CNTN1: variants seen among roughly 807,000 people sequenced by gnomAD.
The protein encoded by CNTN1 is contactin 1, also known as contactin-1.
In CNTN1, 38 loss-of-function variants were observed where a neutral mutation model predicts 126.4. That is an observed-to-expected ratio of 0.30 (90% CI 0.23 to 0.39). The LOEUF is 0.39. CNTN1 is among the 10% of genes least tolerant of loss of function. The probability of loss-of-function intolerance (pLI) is 1.00; values close to 1 mark genes in which losing one functional copy is unlikely to be tolerated. For synonymous variants in CNTN1, 413 were observed against 422.6 expected (o/e 0.98, Z 0.28); for missense variants, 1,009 against 1,248.4 (o/e 0.81, Z 2.89).
At chr12:40,862,933 C>A (rs1282504713) in intron 1 of CNTN1, among the ~76,000 whole-genome samples, 1 of 152,090 alleles carries the variant, frequency 6.6e-6, no homozygotes, top group Non-Finnish European at 1.5e-5. Flanking sequence ...AAACTAGAAG[C>A]ATTTTTATAT....
chr12:41,007,160 C>T lies in CNTN1; in HGVS notation c.2114-7068C>T, dbSNP rs371317171. Among the ~76,000 whole-genome samples, 165 of 144,768 alleles carry T rather than the reference C, an allele frequency of 1.1e-3. 1 individual carries two copies. The highest frequency in any genetic ancestry group is 3.8e-3 in the African/African-American group (147 of 38,388). 95.0% of individuals were successfully genotyped at this position (144,768 alleles called of 152,430 possible). On this transcript the variant is annotated intron_variant, in intron 17 of 23. Coordinates refer to ENST00000551295, the MANE Select transcript of CNTN1 (RefSeq NM_001843.4). ...CTGCAAGCTCCGCCTCCCGGGTTCACGCCATTCTCCTGCCTCAGCCTCCCA... is the reference window on the plus strand; with the variant it reads ...CTGCAAGCTCCGCCTCCCGGGTTCATGCCATTCTCCTGCCTCAGCCTCCCA...
At chr12:41,031,808 C>G (rs576757602) in intron 23 of CNTN1, among the ~76,000 whole-genome samples, 34 of 152,190 alleles carry the variant, frequency 2.2e-4, no homozygotes, top group African/African-American at 7.5e-4. Context: ...ATGTCAGATG[C>G]TTGGTGAATA....
In CNTN1 at chr12:41,052,643, A is replaced by G. The variant is rs143294200; in HGVS notation, c.2981-17316A>G. ...TGAAGTAGCCTATAACTTATAAGTA[A>G]ATATTTATATTTTATCCCCCAAAGA... On this transcript the variant is annotated intron_variant, in intron 23 of 23. Coordinates refer to ENST00000551295, the MANE Select transcript of CNTN1 (RefSeq NM_001843.4). Among the ~76,000 whole-genome samples, 5 of 152,190 alleles carry G rather than the reference A, an allele frequency of 3.3e-5. No homozygotes were observed. The East Asian group carries it at 7.7e-4, about 24-fold the overall frequency.
At chr12:40,796,277 T>G (rs570914004) in intron 1 of CNTN1, among the ~76,000 whole-genome samples, 1 of 152,054 alleles carries the variant, frequency 6.6e-6, no homozygotes, top group Non-Finnish European at 1.5e-5. Context: ...AAAGCAATCA[T>G]GGTATTTCAA....
rs1379159066 is a variant in CNTN1 at position 40,929,952 on chromosome 12, T to C, written c.653T>C (p.Ile218Thr). 5.6e-6 allele frequency: 9 copies of C among 1,612,738 alleles called. No homozygotes were observed. In the Admixed American group the frequency reaches 6.7e-5, roughly 12 times the overall value. The change falls in exon 7 of 24, where the codon ATT becomes ACT. Residue 218 changes from isoleucine (I) to threonine (T), a missense_variant. Transcript: ENST00000551295. ...TCCTGCTTTGTTTCCAGTCCTTCTA[T>C]TACAAAGAGCGTGTTCAGCAAATTC... ...NYSCFVSSPS[I>T]TKSVFSKFIP...
intron 1 of CNTN1, among the ~76,000 whole-genome samples, chr12:40,698,479 G>A (rs1941510177): frequency 6.6e-6 from 1 of 151,638 alleles, no homozygotes; most frequent in Non-Finnish European, 1.5e-5. Context: ...CTTGTGATCC[G>A]CCCGCCTCGG....
intron 1 of CNTN1, among the ~76,000 whole-genome samples, chr12:40,849,205 A>T (rs1414421651): frequency 6.6e-6 from 1 of 152,152 alleles, no homozygotes; most frequent in African/African-American, 2.4e-5. Context: ...ATGAAGTACA[A>T]GTGAAATATT....
intron 15 of CNTN1, among the ~76,000 whole-genome samples, chr12:40,960,465 T>A (rs565616087): frequency 7.2e-5 from 11 of 152,154 alleles, no homozygotes; most frequent in African/African-American, 2.6e-4. Context: ...TTTTACTCAA[T>A]CTCATGCAGC....
chr12:40,700,217 A>G (rs553827691), intron 1 of CNTN1, among the ~76,000 whole-genome samples: 1 of 151,804 alleles, frequency 6.6e-6, no homozygotes, highest in East Asian at 1.9e-4. Context: ...CTTTTTTTTT[A>G]AAACTTGAAT....
intron 3 of CNTN1, among the ~76,000 whole-genome samples, chr12:40,911,059 G>A (rs935809790): frequency 2.0e-5 from 3 of 152,038 alleles, no homozygotes; most frequent in Non-Finnish European, 4.4e-5. Context: ...TACGGCAGGA[G>A]GCGAAAGGCA....
At chr12:40,946,492 A>C (rs945708060) in intron 14 of CNTN1, among the ~76,000 whole-genome samples, 5 of 152,130 alleles carry the variant, frequency 3.3e-5, no homozygotes, top group African/African-American at 1.2e-4. Context: ...CACTAGGTTA[A>C]ATAAAACACT....
chr12:40,721,892 T>C (rs1387914558), intron 1 of CNTN1, among the ~76,000 whole-genome samples: 1 of 151,320 alleles, frequency 6.6e-6, no homozygotes, highest in Non-Finnish European at 1.5e-5. Context: ...CATCATTTTT[T>C]ATGGCTGCAT....
intron 1 of CNTN1, among the ~76,000 whole-genome samples, chr12:40,702,099 GA>G (rs749350305): frequency 3.1e-5 from 2 of 64,852 alleles, no homozygotes; most frequent in East Asian, 7.8e-4. Context: ...TTTTGTATCG[GA>G]TTTTTTTTTT....
At chr12:40,787,201 C>T (rs1333139274) in intron 1 of CNTN1, among the ~76,000 whole-genome samples, 2 of 151,984 alleles carry the variant, frequency 1.3e-5, no homozygotes, top group African/African-American at 4.8e-5. Flanking sequence ...ACTTAAAAAC[C>T]TTTATCTTTA....
intron 23 of CNTN1, among the ~76,000 whole-genome samples, chr12:41,044,991 G>T (rs971534109): frequency 2.0e-4 from 30 of 151,984 alleles, no homozygotes; most frequent in African/African-American, 6.7e-4. Flanking sequence ...ATGAGAAAAT[G>T]GATAATCTTT....
chr12:40,986,877 A>G (rs1189427768), intron 16 of CNTN1, among the ~76,000 whole-genome samples: 1 of 152,176 alleles, frequency 6.6e-6, no homozygotes, highest in Non-Finnish European at 1.5e-5. Flanking sequence ...CCACGTTTTT[A>G]AACAGCCATA....
At chr12:40,777,091 C>G (rs557247190) in intron 1 of CNTN1, among the ~76,000 whole-genome samples, 1 of 151,680 alleles carries the variant, frequency 6.6e-6, no homozygotes, top group African/African-American at 2.4e-5. Context: ...ATATATTCAA[C>G]TTCCTTTTTG....
At chr12:40,736,928 A>G (rs1354310171) in intron 1 of CNTN1, among the ~76,000 whole-genome samples, 1 of 152,046 alleles carries the variant, frequency 6.6e-6, no homozygotes, top group Non-Finnish European at 1.5e-5. Flanking sequence ...GAAGACATTA[A>G]AAGAATTGCA....
Position 41,014,277 on chromosome 12 carries a change from A to G in CNTN1, c.2163A>G (p.Arg721=), listed in dbSNP as rs749748819. The change falls in exon 18 of 24, where the codon AGA becomes AGG. Residue 721 remains arginine (R), a synonymous_variant. Transcript: ENST00000551295. ...SDVGGGGGRN[R]ELTITWAPLS... ...TAGGAGGTGGAGGTGGAAGAAACAG[A>G]GAGCTGACCATAACATGGGCGGTAA... The G allele has an allele frequency of 3.1e-6, 5 of 1,614,020 alleles. No homozygotes were observed. The Admixed American group carries it at 8.3e-5, about 27-fold the overall frequency.
Sources: allele counts gnomAD v4.1 joint callset (sites outside exome capture counted in the v4.1 genomes callset), GRCh38; gene constraint gnomAD v4.1.1; transcripts MANE v1.5; gene names NCBI Gene and HGNC (gene_info 2026-07-23, HGNC 2026-07-21).